ZFAT: variants seen among roughly 807,000 people sequenced by gnomAD.
ZFAT encodes the protein zinc finger protein ZFAT.
A neutral mutation model predicts 117.7 loss-of-function variants in ZFAT; 64 were observed. The observed-to-expected ratio is 0.54, with a 90% confidence interval of 0.44 to 0.67. The LOEUF (loss-of-function observed/expected upper bound fraction) is 0.67. ZFAT is among the 30% of genes least tolerant of loss of function. ZFAT has a pLI of 0.00. For synonymous variants in ZFAT, 679 were observed against 615.0 expected, an observed-to-expected ratio of 1.10 and a Z score of -1.54; for missense variants, 1,433 against 1,584.5, an observed-to-expected ratio of 0.90 and a Z score of 1.62.
intron 15 of ZFAT, among the ~76,000 whole-genome samples, chr8:134,502,365 G>A (rs982186116): frequency 2.0e-5 from 3 of 152,216 alleles, no homozygotes; most frequent in Non-Finnish European, 2.9e-5. Flanking sequence ...ATTAAAACAC[G>A]ACAGATTGGA....
rs936037130 is a variant in ZFAT, at chr8:134,516,317, G to A, written c.3235-3716C>T. ...AATGCTTCATGGGTTATATTGGGCA[G>A]TTCTTTCAGGAGACACGCTTTGGAT... is the stretch of plus-strand genomic sequence containing the variant. On this transcript the variant is annotated intron_variant, in intron 13 of 15. Transcript: ENST00000377838. Among the ~76,000 whole-genome samples the A allele has an allele frequency of 5.3e-5, 8 of 152,182 alleles. No individual in the cohort carries two copies. The South Asian group carries it at 1.7e-3, about 32-fold the overall frequency.
At chr8:134,696,408 G>A (rs1203186251) in intron 1 of ZFAT, 2 of 985,482 alleles carry the variant, frequency 2.0e-6, no homozygotes, top group African/African-American at 1.7e-5. Context: ...GTTCAGAGTG[G>A]AAACTCGCAT....
At chr8:134,713,417 C>T (rs1270666778), upstream of ZFAT, among the ~76,000 whole-genome samples, 7 of 152,228 alleles carry the variant, frequency 4.6e-5, no homozygotes, top group East Asian at 1.3e-3. Context: ...ACTTTTCTTG[C>T]TCTCAGTTTA....
the ZFAT span, among the ~76,000 whole-genome samples, chr8:134,719,712 CAGCA>C: frequency 1.1e-4 from 17 of 152,324 alleles, no homozygotes; most frequent in South Asian, 3.5e-3. Flanking sequence ...AGGGAGTTTG[CAGCA>C]CAGAACCATC....
intron 1 of ZFAT, among the ~76,000 whole-genome samples, chr8:134,695,111 G>A (rs1209607067): frequency 1.3e-5 from 2 of 152,202 alleles, no homozygotes; most frequent in African/African-American, 2.4e-5. Context: ...GAAGGCAGCG[G>A]CCAGAGGAGG....
At chr8:134,688,002 T>A (rs1221800516) in intron 1 of ZFAT, among the ~76,000 whole-genome samples, 2 of 152,154 alleles carry the variant, frequency 1.3e-5, no homozygotes, top group Non-Finnish European at 2.9e-5. Context: ...GCCACTTCAG[T>A]GTGACTGGAG....
chr8:134,609,199 T>C (rs566215069), intron 4 of ZFAT, among the ~76,000 whole-genome samples: 4 of 152,170 alleles, frequency 2.6e-5, no homozygotes, highest in South Asian at 2.1e-4. Context: ...CATATACATA[T>C]ATATGTTACT....
At chr8:134,725,023 G>GC in the ZFAT span, among the ~76,000 whole-genome samples, 1 of 152,062 alleles carries the variant, frequency 6.6e-6, no homozygotes, top group Non-Finnish European at 1.5e-5. Context: ...TGAGAAAACA[G>GC]CCCCCCATCT....
rs1162307290 is a variant in ZFAT at position 134,601,568 on chromosome 8, C to A, written c.2151G>T (p.Lys717Asn). Residue 717 changes from lysine (K) to asparagine (N), a missense_variant, in exon 6 of 16, where the codon AAG becomes AAT. By Grantham distance (94) the Lys-to-Asn change is moderately conservative. Transcript: ENST00000377838. ...GCTTCTTCTGTAAACTGTTCAGGAC[C>A]TTCATGAAAGCGGTGATGCCTGACC... Reference protein sequence around the residue: ...EHRSGITAFMKVLNSLQKKQM... With the variant: ...EHRSGITAFMNVLNSLQKKQM... The A allele has an allele frequency of 6.2e-7, 1 of 1,614,140 alleles. No homozygotes were observed. The highest frequency in any genetic ancestry group is 2.2e-5 in the East Asian group (1 of 44,894).
chr8:134,781,559 C>A, the ZFAT span, among the ~76,000 whole-genome samples: 22 of 151,968 alleles, frequency 1.4e-4, no homozygotes, highest in African/African-American at 4.8e-4. Flanking sequence ...TACAAATAAC[C>A]AAGATTTTTT....
chr8:134,483,376 C>T (rs989579742), intron 15 of ZFAT, among the ~76,000 whole-genome samples: 5 of 152,196 alleles, frequency 3.3e-5, no homozygotes, highest in Non-Finnish European at 5.9e-5. Context: ...GTTCAGAGAC[C>T]TCCTTCAGCT....
chr8:134,745,812 TATTATTCCC>T, the ZFAT span, among the ~76,000 whole-genome samples: 1 of 152,192 alleles, frequency 6.6e-6, no homozygotes, highest in Non-Finnish European at 1.5e-5. Flanking sequence ...ATATTATTAT[TATTATTCCC>T]ATTTTATAAG....
the ZFAT span, among the ~76,000 whole-genome samples, chr8:134,744,944 T>A: frequency 6.6e-6 from 1 of 151,692 alleles, no homozygotes; most frequent in East Asian, 1.9e-4. Flanking sequence ...TTAGCCAGGA[T>A]GGTCTCGATC....
chr8:134,600,438 G>T lies in ZFAT; in HGVS notation c.2473C>A (p.Leu825Met). 6.2e-7 allele frequency: 1 copy of T among 1,614,060 alleles called. No individual in the cohort carries two copies. The highest frequency in any genetic ancestry group is 2.2e-5 in the East Asian group (1 of 44,892). The change falls in exon 7 of 16, where the codon CTG becomes ATG. Residue 825 changes from leucine to methionine, a missense_variant and splice_region_variant. By Grantham distance (15) the Leu-to-Met change is conservative. Transcript: ENST00000377838. ...LQAHLKVHTA[L>M]DKRSYSCPVC... ...TGCCGCTTGGGCTTGCTACTTACCA[G>T]TGCTGTGTGAACTTTAAGATGTGCC...
chr8:134,652,534 TACAC>T (rs978159105), intron 2 of ZFAT, among the ~76,000 whole-genome samples: 1 of 152,166 alleles, frequency 6.6e-6, no homozygotes, highest in African/African-American at 2.4e-5. Context: ...TTAAAATGAG[TACAC>T]ACAGATTCTC....
At chr8:134,578,702 G>A (rs1393231495) in intron 10 of ZFAT, among the ~76,000 whole-genome samples, 1 of 152,192 alleles carries the variant, frequency 6.6e-6, no homozygotes, top group Admixed American at 6.5e-5. Flanking sequence ...ATGGAGGCAG[G>A]AGATGACAGT....
Position 134,601,592 on chromosome 8 carries a change from C to G in ZFAT, c.2127G>C (p.Arg709=). The G allele has an allele frequency of 6.2e-7, 1 of 1,614,238 alleles. No individual in the cohort carries two copies. Among genetic ancestry groups the G allele is most frequent in the Non-Finnish European group, 8.5e-7 (1 of 1,180,042 alleles). Residue 709 remains arginine, a synonymous_variant, in exon 6 of 16, where the codon CGG becomes CGC. Transcript: ENST00000377838. ...CCTTCATGAAAGCGGTGATGCCTGA[C>G]CGGTGCTCAGGGGCAGCTTTGCAAG... ...PDSCKAAPEH[R]SGITAFMKVL... is the part of the protein sequence containing the mutation.
intron 3 of ZFAT, among the ~76,000 whole-genome samples, chr8:134,612,078 GA>G (rs1020433076): frequency 6.6e-6 from 1 of 152,228 alleles, no homozygotes; most frequent in Non-Finnish European, 1.5e-5. Context: ...GAAATATAGG[GA>G]AGGGAGGAAA....
intron 2 of ZFAT, 113 bp downstream of exon 2, chr8:134,657,448 G>A (rs1319514780): frequency 1.8e-6 from 2 of 1,126,178 alleles, no homozygotes; most frequent in Admixed American, 2.5e-5. Context: ...GAGACTTATT[G>A]TGACTTCTGA....
Sources: gnomAD v4.1 joint callset for allele counts (sites outside exome capture counted in the v4.1 genomes callset) on GRCh38, gnomAD v4.1.1 for gene constraint, MANE v1.5 for transcripts, NCBI Gene and HGNC (gene_info 2026-07-23, HGNC 2026-07-21) for gene names.